Variants in HIVEP3 observed in about 807,000 individuals in gnomAD.
The protein encoded by HIVEP3 is transcription factor HIVEP3.
In HIVEP3, 49 loss-of-function variants were observed where a neutral mutation model predicts 152.8. That is an observed-to-expected ratio of 0.32 (90% confidence interval 0.26 to 0.41). The LOEUF (loss-of-function observed/expected upper bound fraction) is 0.41, where lower values mean the gene tolerates loss of function less well. Among genes scored for constraint, HIVEP3 ranks in the 10% least tolerant of loss-of-function variants. The pLI is 1.00. For synonymous variants in HIVEP3, 1,269 were observed against 1,289.0 expected, an observed-to-expected ratio of 0.98 and a Z score of 0.33; for missense variants, 2,790 against 3,103.3, an observed-to-expected ratio of 0.90 and a Z score of 2.40.
At chr1:41,633,205 C>A (rs115983707) in intron 2 of HIVEP3, among the ~76,000 whole-genome samples, 8 of 152,248 alleles carry the variant, frequency 5.3e-5, no homozygotes, top group Admixed American at 3.3e-4. Flanking sequence ...TTCTCCCCCC[C>A]GCAACACCCC....
At chr1:41,756,897 T>A (rs940013038) in intron 1 of HIVEP3, among the ~76,000 whole-genome samples, 3 of 152,060 alleles carry the variant, frequency 2.0e-5, no homozygotes, top group African/African-American at 7.2e-5. Context: ...AATAAACAAA[T>A]AATATACACA....
rs796384056 is a variant in HIVEP3 at position 41,749,446 on chromosome 1, GAGA to G, written c.-800-48454_-800-48452del. 9.2e-5 allele frequency among the ~76,000 whole-genome samples: 14 copies of G among 151,834 alleles called. No individual in the cohort carries two copies. In the East Asian group the frequency reaches 1.7e-3, roughly 19 times the overall value. ...TGTGTGTGTGTGATGGAGAGACAGAGAGAAGGAGACAGAGAGAATGAGAATAAT... is the reference window on the plus strand; with the variant it reads ...TGTGTGTGTGTGATGGAGAGACAGAGAGGAGACAGAGAGAATGAGAATAAT... On this transcript the variant is annotated intron_variant, in intron 1 of 8. Coordinates refer to ENST00000372583, the MANE Select transcript of HIVEP3 (RefSeq NM_024503.5).
At chr1:41,755,004 T>A (rs922390184) in intron 1 of HIVEP3, among the ~76,000 whole-genome samples, 2 of 152,114 alleles carry the variant, frequency 1.3e-5, no homozygotes, top group Non-Finnish European at 2.9e-5. Flanking sequence ...ACTGAAACAA[T>A]TTTGAAAAAA....
At position 41,510,507 on chromosome 1, in the gene HIVEP3, C is replaced by T; in HGVS notation, c.7165G>A (p.Gly2389Arg). 1 of 1,595,720 alleles carries T rather than the reference C, an allele frequency of 6.3e-7. No individual in the cohort carries two copies. Residue 2389 changes from glycine to arginine, a missense_variant, in exon 9 of 9, where the codon GGG becomes AGG. Around this residue, in one of 9 missense-constraint regions of HIVEP3, gnomAD observed 816 missense variants for 806.5 expected, o/e 1.01. Coordinates refer to ENST00000372583, the MANE Select transcript of HIVEP3 (RefSeq NM_024503.5). ...TGATGTGGATGTGCCCTGGGCTCCC[C>T]ACTTCCTGAGGGCTTGGGGGAGTCC... ...RQDSPKPSGS[G>R]EPRAHPHQPE...
At chr1:41,578,877 A>C (rs1033703651) in intron 4 of HIVEP3, among the ~76,000 whole-genome samples, 1 of 152,214 alleles carries the variant, frequency 6.6e-6, no homozygotes, top group African/African-American at 2.4e-5. Context: ...AGTGTCTGGC[A>C]CCATGAGGCT....
chr1:41,725,595 G>A (rs1646740589), intron 1 of HIVEP3, among the ~76,000 whole-genome samples: 1 of 152,194 alleles, frequency 6.6e-6, no homozygotes, highest in Non-Finnish European at 1.5e-5. Context: ...AGACACATAG[G>A]ACTGATAAAG....
intron 1 of HIVEP3, among the ~76,000 whole-genome samples, chr1:41,910,533 C>T (rs773098097): frequency 3.3e-5 from 5 of 151,694 alleles, no homozygotes; most frequent in Non-Finnish European, 7.4e-5. Flanking sequence ...GATACAAAAC[C>T]CTGCCAAGGA....
At position 41,537,469 on chromosome 1, in the gene HIVEP3, C is replaced by T. The variant is rs540628269; in HGVS notation, c.5208-12559G>A. On this transcript the variant is annotated intron_variant, in intron 5 of 8. Coordinates refer to ENST00000372583, the MANE Select transcript of HIVEP3 (RefSeq NM_024503.5). ...TGTGTCCGTGAAGTGAGGCTCAGGGCCAGTTCCCAGAGGTCTGGTACCCTG... is the reference window on the plus strand; with the variant it reads ...TGTGTCCGTGAAGTGAGGCTCAGGGTCAGTTCCCAGAGGTCTGGTACCCTG... 8.0e-4 allele frequency among the ~76,000 whole-genome samples: 122 copies of T among 152,274 alleles called. 1 individual carries two copies. In the South Asian group the frequency reaches 0.024, roughly 30 times the overall value.
At chr1:41,710,916 G>A (rs1050624037) in intron 1 of HIVEP3, among the ~76,000 whole-genome samples, 1 of 152,238 alleles carries the variant, frequency 6.6e-6, no homozygotes, top group Non-Finnish European at 1.5e-5. Flanking sequence ...GGGCCTTATC[G>A]TATAGTCACC....
At chr1:41,547,711 G>A (rs901634272) in intron 5 of HIVEP3, among the ~76,000 whole-genome samples, 1 of 152,346 alleles carries the variant, frequency 6.6e-6, no homozygotes, top group Non-Finnish European at 1.5e-5. Flanking sequence ...AAAGCCCACA[G>A]AGCATTTATA....
chr1:41,822,353 G>C (rs1383929059), intron 1 of HIVEP3, among the ~76,000 whole-genome samples: 1 of 152,186 alleles, frequency 6.6e-6, no homozygotes, highest in Non-Finnish European at 1.5e-5. Flanking sequence ...AAATCCTATG[G>C]ACAAAGTGAG....
rs114060246 is a variant in HIVEP3 at position 41,538,383 on chromosome 1, C to A, written c.5208-13473G>T. ...ACAGAAATAAGAGGGGAGAGTGGGT[C>A]AAGGATGCCTTCTTATACACCTTCC... On this transcript the variant is annotated intron_variant, in intron 5 of 8. Transcript: ENST00000372583. Among the ~76,000 whole-genome samples, 969 of 152,222 alleles carry A rather than the reference C, an allele frequency of 6.4e-3. 7 individuals are homozygous for A. The highest frequency in any genetic ancestry group is 0.022 in the African/African-American group (934 of 41,524).
chr1:41,562,204 C>T (rs1260232444), intron 5 of HIVEP3, among the ~76,000 whole-genome samples: 1 of 152,154 alleles, frequency 6.6e-6, no homozygotes, highest in Non-Finnish European at 1.5e-5. Context: ...AGGAACTGGC[C>T]AGTAATTACT....
intron 2 of HIVEP3, among the ~76,000 whole-genome samples, chr1:41,676,241 G>A (rs575578875): frequency 3.9e-5 from 6 of 152,182 alleles, no homozygotes; most frequent in South Asian, 4.2e-4. Flanking sequence ...TAGTAGAGAC[G>A]GGGTTTCACC....
At chr1:41,890,875 A>G (rs1424728991) in intron 1 of HIVEP3, among the ~76,000 whole-genome samples, 2 of 152,222 alleles carry the variant, frequency 1.3e-5, no homozygotes, top group Non-Finnish European at 1.5e-5. Context: ...CCACTCAGGC[A>G]GCTCTCCCAT....
intron 1 of HIVEP3, among the ~76,000 whole-genome samples, chr1:41,932,752 A>G (rs926778834): frequency 6.6e-6 from 1 of 151,178 alleles, no homozygotes; most frequent in Non-Finnish European, 1.5e-5. Context: ...TTTTCTTTTT[A>G]GGGTGGATGC....
At chr1:41,516,246 G>A (rs938536672) in intron 7 of HIVEP3, among the ~76,000 whole-genome samples, 2 of 143,566 alleles carry the variant, frequency 1.4e-5, no homozygotes, top group Admixed American at 1.4e-4. Context: ...AGCGCGCGGC[G>A]GGCGCCGCTG....
chr1:41,949,642 G>A (rs193002497), intron 1 of HIVEP3, among the ~76,000 whole-genome samples: 1,642 of 152,180 alleles, frequency 0.011, 96 homozygotes, highest in Admixed American at 0.098. Flanking sequence ...GCCAATGGAT[G>A]CCCTGGATTC....
At chr1:41,794,684 T>C (rs139426271) in intron 1 of HIVEP3, among the ~76,000 whole-genome samples, 2,236 of 152,340 alleles carry the variant, frequency 0.015, 23 homozygotes, top group Non-Finnish European at 0.019. Context: ...TTATTGTAAC[T>C]TGCCTTTCTT....
Sources: allele counts gnomAD v4.1 joint callset (sites outside exome capture counted in the v4.1 genomes callset), GRCh38; gene constraint gnomAD v4.1.1; regional missense constraint gnomAD v4.1.1; transcripts MANE v1.5; gene names NCBI Gene and HGNC (gene_info 2026-07-23, HGNC 2026-07-21).